The following ADGRL3 variants were observed in gnomAD, a reference collection of about 807,000 sequenced individuals.
ADGRL3 encodes the protein adhesion G protein-coupled receptor L3, also known as calcium-independent alpha-latrotoxin receptor 3.
A neutral mutation model predicts 153.5 loss-of-function variants in ADGRL3; 62 were observed. That is an observed-to-expected ratio of 0.40 (90% CI 0.33 to 0.50). The LOEUF is 0.50. ADGRL3 is among the 20% of genes least tolerant of loss of function. The pLI is 0.47. For missense variants in ADGRL3, 1,641 were observed against 1,859.4 expected, an observed-to-expected ratio of 0.88 and a Z score of 2.16; for synonymous variants, 710 against 672.5, an observed-to-expected ratio of 1.06 and a Z score of -0.86.
rs143133919 is a variant in ADGRL3 at position 61,270,065 on chromosome 4, G to A, written c.-240+68300G>A. ...TATAAAAAACAATACTTGTTTAAAT[G>A]TATTTATTAATAGACATACTGATTT... is the stretch of plus-strand genomic sequence containing the variant. On this transcript the variant is annotated intron_variant, in intron 1 of 26. Transcript: ENST00000683033. 7.5e-3 allele frequency among the ~76,000 whole-genome samples: 1,140 copies of A among 151,750 alleles called. 7 individuals carry two copies. The highest frequency in any genetic ancestry group is 0.012 in the Non-Finnish European group (790 of 67,702).
chr4:61,986,477 G>T (rs1043951293), intron 19 of ADGRL3, among the ~76,000 whole-genome samples: 1 of 152,066 alleles, frequency 6.6e-6, no homozygotes, highest in Non-Finnish European at 1.5e-5. Flanking sequence ...TTGTGGCTTT[G>T]TTAAAGCTTT....
chr4:61,228,030 T>A (rs754480507), intron 1 of ADGRL3, among the ~76,000 whole-genome samples: 9 of 152,230 alleles, frequency 5.9e-5, no homozygotes, highest in Non-Finnish European at 1.3e-4. Context: ...CTTATGAAAA[T>A]CTGAAAATTT....
chr4:61,307,189 T>C (rs17090426), intron 1 of ADGRL3, among the ~76,000 whole-genome samples: 3,218 of 152,314 alleles, frequency 0.021, 110 homozygotes, highest in African/African-American at 0.07. Flanking sequence ...TTTTCCCGAT[T>C]ACTTTTTCAC....
intron 9 of ADGRL3, among the ~76,000 whole-genome samples, chr4:61,888,473 T>C (rs1323527299): frequency 1.3e-5 from 2 of 152,240 alleles, no homozygotes; most frequent in African/African-American, 2.4e-5. Context: ...TTTTTTTCTC[T>C]TGTATTTAGC....
At chr4:61,925,970 G>T (rs1203798955) in intron 13 of ADGRL3, among the ~76,000 whole-genome samples, 3 of 152,046 alleles carry the variant, frequency 2.0e-5, no homozygotes, top group African/African-American at 7.2e-5. Context: ...ACATCATAGG[G>T]TATACTTACG....
chr4:61,232,920 C>T (rs866843801), intron 1 of ADGRL3, among the ~76,000 whole-genome samples: 1 of 152,174 alleles, frequency 6.6e-6, no homozygotes. Context: ...ACTTACCCAA[C>T]ATTGTAATCA....
intron 17 of ADGRL3, among the ~76,000 whole-genome samples, chr4:61,963,227 A>T (rs2098994535): frequency 6.6e-6 from 1 of 150,818 alleles, no homozygotes; most frequent in Admixed American, 6.6e-5. Context: ...GGCAGAATTT[A>T]TTTTTTTATT....
Position 61,895,720 on chromosome 4 carries a change from C to T in ADGRL3, c.1784-11C>T, listed in dbSNP as rs2098627162. The T allele has an allele frequency of 2.1e-6, 3 of 1,439,548 alleles. No homozygotes were observed. Among genetic ancestry groups the T allele is most frequent in the Non-Finnish European group, 2.9e-6 (3 of 1,038,842 alleles). 89.2% of individuals were successfully genotyped at this position (1,439,548 alleles called of 1,614,324 possible). ...GAAAAAGAAACAGATACATTTCTCT[C>T]ATTATTACAGGTGTATCAACTTATC... On this transcript the variant is annotated splice_polypyrimidine_tract_variant and intron_variant, in intron 10 of 26. Transcript: ENST00000683033.
At chr4:61,911,592 C>T (rs975659397) in intron 12 of ADGRL3, among the ~76,000 whole-genome samples, 2 of 152,080 alleles carry the variant, frequency 1.3e-5, no homozygotes, top group African/African-American at 4.8e-5. Flanking sequence ...ATCAATCGTG[C>T]TCTGTATTGA....
At chr4:61,898,636 T>C (rs561530069) in intron 11 of ADGRL3, among the ~76,000 whole-genome samples, 6 of 151,558 alleles carry the variant, frequency 4.0e-5, no homozygotes, top group African/African-American at 7.3e-5. Flanking sequence ...TTTTTTTTTT[T>C]GAGATGAAGT....
chr4:61,313,761 A>G (rs1430922413), intron 1 of ADGRL3, among the ~76,000 whole-genome samples: 1 of 152,248 alleles, frequency 6.6e-6, no homozygotes, highest in African/African-American at 2.4e-5. Flanking sequence ...AAAGATTAAT[A>G]AAAAGAAGTA....
chr4:61,792,436 C>G (rs777143815), intron 8 of ADGRL3, among the ~76,000 whole-genome samples: 1 of 151,334 alleles, frequency 6.6e-6, no homozygotes, highest in Admixed American at 6.6e-5. Context: ...AGCCATTCAA[C>G]AAGTATCTAG....
intron 13 of ADGRL3, 135 bp downstream of exon 13, chr4:61,912,892 G>A (rs777636086): frequency 2.5e-6 from 2 of 786,562 alleles, no homozygotes; most frequent in Non-Finnish European, 4.1e-6. Context: ...AGAAGGGTGG[G>A]AACAGAAAGC....
At chr4:61,460,282 A>C (rs1285346487) in intron 2 of ADGRL3, among the ~76,000 whole-genome samples, 1 of 152,240 alleles carries the variant, frequency 6.6e-6, no homozygotes, top group Admixed American at 6.5e-5. Context: ...ATTATTCTGC[A>C]TAAGGATATC....
At chr4:61,435,669 G>C (rs772877898) in intron 2 of ADGRL3, among the ~76,000 whole-genome samples, 1 of 150,228 alleles carries the variant, frequency 6.7e-6, no homozygotes, top group Non-Finnish European at 1.5e-5. Context: ...TACCTTTCAC[G>C]GGGACAATTG....
At chr4:61,262,879 C>T (rs1210802679) in intron 1 of ADGRL3, among the ~76,000 whole-genome samples, 1 of 152,034 alleles carries the variant, frequency 6.6e-6, no homozygotes, top group African/African-American at 2.4e-5. Context: ...ACTGCTGTAA[C>T]TCAACCAGAG....
intron 6 of ADGRL3, among the ~76,000 whole-genome samples, chr4:61,686,065 A>T (rs1335129094): frequency 6.6e-6 from 1 of 152,100 alleles, no homozygotes; most frequent in East Asian, 1.9e-4. Context: ...AAACTTTATT[A>T]TAGACATAAA....
intron 2 of ADGRL3, among the ~76,000 whole-genome samples, chr4:61,468,572 T>C (rs1031202285): frequency 6.6e-5 from 10 of 152,292 alleles, no homozygotes; most frequent in Non-Finnish European, 1.2e-4. Context: ...TTCTTTCCCT[T>C]TGTCCAAAAT....
intron 1 of ADGRL3, among the ~76,000 whole-genome samples, chr4:61,369,634 G>A (rs550777160): frequency 6.6e-6 from 1 of 152,262 alleles, no homozygotes; most frequent in Admixed American, 6.5e-5. Flanking sequence ...CGGTTTGCCA[G>A]TATTTTATTG....
Sources: gnomAD v4.1 joint callset for allele counts (sites outside exome capture counted in the v4.1 genomes callset) on GRCh38, gnomAD v4.1.1 for gene constraint, MANE v1.5 for transcripts, NCBI Gene and HGNC (gene_info 2026-07-23, HGNC 2026-07-21) for gene names.